The following CEMIP variants were observed in gnomAD, a reference collection of about 807,000 sequenced individuals.
The protein encoded by CEMIP is cell migration inducing hyaluronidase 1.
A neutral mutation model predicts 156.9 loss-of-function variants in CEMIP; 105 were observed. That is an observed-to-expected ratio of 0.67 (90% CI 0.57 to 0.79). The LOEUF is 0.79. Among genes scored for constraint, CEMIP ranks in the 30% least tolerant of loss-of-function variants. The probability of loss-of-function intolerance (pLI) is 0.00; values close to 1 mark genes in which losing one functional copy is unlikely to be tolerated. For synonymous variants in CEMIP, 676 were observed against 668.4 expected (o/e 1.01, Z -0.17); for missense variants, 1,457 against 1,769.4 (o/e 0.82, Z 3.17).
intron 1 of CEMIP, among the ~76,000 whole-genome samples, chr15:80,809,365 C>T (rs896300353): frequency 6.6e-6 from 1 of 152,130 alleles, no homozygotes; most frequent in African/African-American, 2.4e-5. Context: ...GGAAAATGTT[C>T]ATATTGTGAA....
intron 1 of CEMIP, among the ~76,000 whole-genome samples, chr15:80,792,944 G>A (rs1172578535): frequency 1.3e-5 from 2 of 152,182 alleles, no homozygotes; most frequent in Non-Finnish European, 2.9e-5. Flanking sequence ...CATTTCCTGA[G>A]ACCTACTACT....
intron 1 of CEMIP, among the ~76,000 whole-genome samples, chr15:80,795,399 G>A (rs1470044524): frequency 6.6e-6 from 1 of 152,070 alleles, no homozygotes; most frequent in Admixed American, 6.5e-5. Flanking sequence ...TGGAGGCAGT[G>A]GGGAAGGAGA....
At chr15:80,863,345 T>G (rs962116456) in intron 1 of CEMIP, among the ~76,000 whole-genome samples, 3 of 152,186 alleles carry the variant, frequency 2.0e-5, no homozygotes, top group Non-Finnish European at 4.4e-5. Flanking sequence ...GGCAAACACA[T>G]TCAGTCAGTC....
At chr15:80,836,797 A>C (rs1431213020) in intron 1 of CEMIP, among the ~76,000 whole-genome samples, 1 of 152,208 alleles carries the variant, frequency 6.6e-6, no homozygotes, top group Non-Finnish European at 1.5e-5. Flanking sequence ...CAGGGCATTC[A>C]GCAAATGAAG....
intron 1 of CEMIP, among the ~76,000 whole-genome samples, chr15:80,787,340 T>C (rs1895966000): frequency 6.6e-6 from 1 of 152,226 alleles, no homozygotes; most frequent in African/African-American, 2.4e-5. Flanking sequence ...CTGCTAGGTA[T>C]GTGAGGAACT....
chr15:80,877,617 G>A (rs1898518107), intron 3 of CEMIP, among the ~76,000 whole-genome samples: 1 of 152,160 alleles, frequency 6.6e-6, no homozygotes, highest in Non-Finnish European at 1.5e-5. Context: ...TGCTATTGAT[G>A]GAGATTGTTC....
chr15:80,936,758 G>C lies in CEMIP; in HGVS notation c.3094G>C (p.Gly1032Arg), dbSNP rs776445350. The change falls in exon 24 of 30, where the codon GGG becomes CGG. Residue 1032 changes from glycine (G) to arginine (R), a missense_variant. Physicochemically the swap from Gly to Arg is moderately radical, Grantham distance 125. This residue lies in a region of CEMIP where 798 missense variants were observed against 980.1 expected (regional missense o/e 0.81). Coordinates refer to ENST00000394685, the MANE Select transcript of CEMIP (RefSeq NM_001293298.2). ...DFPSHPLYLE[G>R]ALTRSTHYQQ... ...CCCCAGCCACCCTCTTTACCTGGAG[G>C]GGGCGCTCACCAGGAGCACCCATTA... 1 of 1,613,918 alleles carries C rather than the reference G, an allele frequency of 6.2e-7. No homozygotes were observed. The highest frequency in any genetic ancestry group is 2.2e-5 in the East Asian group (1 of 44,878).
At chr15:80,859,900 C>A (rs1294210512) in intron 1 of CEMIP, among the ~76,000 whole-genome samples, 1 of 152,162 alleles carries the variant, frequency 6.6e-6, no homozygotes, top group Non-Finnish European at 1.5e-5. Flanking sequence ...GGCAGGGGTG[C>A]ACATGCAGAT....
At chr15:80,821,800 C>T (rs1262309882) in intron 1 of CEMIP, among the ~76,000 whole-genome samples, 1 of 152,222 alleles carries the variant, frequency 6.6e-6, no homozygotes, top group Non-Finnish European at 1.5e-5. Flanking sequence ...GGAGGACTGC[C>T]TGAAGGCACA....
intron 5 of CEMIP, among the ~76,000 whole-genome samples, 194 bp downstream of exon 5, chr15:80,880,048 T>C (rs1157594145): frequency 6.6e-6 from 1 of 152,230 alleles, no homozygotes; most frequent in Non-Finnish European, 1.5e-5. Flanking sequence ...TTGTTATTTA[T>C]AGTGGCCTGG....
chr15:80,941,201 T>C (rs1327006152), intron 25 of CEMIP, among the ~76,000 whole-genome samples: 1 of 152,174 alleles, frequency 6.6e-6, no homozygotes, highest in South Asian at 2.1e-4. Context: ...ATATCCTATC[T>C]TCCCATGTTT....
chr15:80,926,804 G>C (rs1230869681), intron 19 of CEMIP, among the ~76,000 whole-genome samples: 1 of 140,458 alleles, frequency 7.1e-6, no homozygotes, highest in East Asian at 2.1e-4. Context: ...AACAGAGGCA[G>C]AGAGACTGAG....
At chr15:80,803,704 C>T (rs1044987461) in intron 1 of CEMIP, among the ~76,000 whole-genome samples, 1 of 152,202 alleles carries the variant, frequency 6.6e-6, no homozygotes, top group Non-Finnish European at 1.5e-5. Flanking sequence ...AACGGTTCTA[C>T]AGACACATAG....
intron 1 of CEMIP, among the ~76,000 whole-genome samples, chr15:80,798,881 A>G (rs935840408): frequency 3.9e-5 from 6 of 152,054 alleles, no homozygotes; most frequent in African/African-American, 1.4e-4. Flanking sequence ...GGTTCCGTGG[A>G]TTGATTTTTA....
chr15:80,874,475 A>C lies in CEMIP; in HGVS notation c.94+502A>C, dbSNP rs533547539. 8.0e-4 allele frequency among the ~76,000 whole-genome samples: 122 copies of C among 152,182 alleles called. 2 individuals carry two copies. The highest frequency in any genetic ancestry group is 5.0e-3 in the Admixed American group (77 of 15,282). On this transcript the variant is annotated intron_variant, in intron 3 of 29. Coordinates refer to ENST00000394685, the MANE Select transcript of CEMIP (RefSeq NM_001293298.2). ...AACCACTCTAATAGGCTGTTAAAAA[A>C]AAAAACAAAAACAAAAAAACACGTA...
chr15:80,939,806 C>T (rs892210623), intron 25 of CEMIP, among the ~76,000 whole-genome samples: 2 of 152,164 alleles, frequency 1.3e-5, no homozygotes, highest in Non-Finnish European at 2.9e-5. Flanking sequence ...CTGCCTTATA[C>T]GTTTGTTGTT....
intron 1 of CEMIP, among the ~76,000 whole-genome samples, chr15:80,821,551 A>G (rs1002742282): frequency 1.3e-5 from 2 of 152,180 alleles, no homozygotes; most frequent in African/African-American, 4.8e-5. Flanking sequence ...AAAATAGAAG[A>G]GCATATTCAA....
intron 1 of CEMIP, among the ~76,000 whole-genome samples, chr15:80,866,484 G>A (rs1596143652): frequency 1.3e-5 from 2 of 151,984 alleles, no homozygotes; most frequent in South Asian, 2.1e-4. Flanking sequence ...CCCAGCTACT[G>A]GGGAGGCTGA....
chr15:80,831,749 A>C (rs1267195588), intron 1 of CEMIP, among the ~76,000 whole-genome samples: 3 of 152,316 alleles, frequency 2.0e-5, no homozygotes, highest in African/African-American at 7.2e-5. Flanking sequence ...CATGCTGGGC[A>C]ACTGTGGTGG....
Sources: allele counts gnomAD v4.1 joint callset (sites outside exome capture counted in the v4.1 genomes callset), GRCh38; gene constraint gnomAD v4.1.1; regional missense constraint gnomAD v4.1.1; transcripts MANE v1.5; gene names NCBI Gene and HGNC (gene_info 2026-07-23, HGNC 2026-07-21).